The following PDE7B variants were observed in gnomAD, a reference collection of about 807,000 sequenced individuals.
The protein encoded by PDE7B is phosphodiesterase 7B.
In PDE7B, 29 loss-of-function variants were observed where a neutral mutation model predicts 56.2. The observed-to-expected ratio is 0.52, with a 90% confidence interval of 0.38 to 0.70. The LOEUF is 0.70. Ranked by LOEUF, PDE7B falls within the 30% of genes least tolerant of loss-of-function variation. The pLI, the probability that PDE7B is intolerant of heterozygous loss-of-function variation, is 0.00. For synonymous variants in PDE7B, 197 were observed against 196.9 expected, an observed-to-expected ratio of 1.00 and a Z score of 0.00; for missense variants, 490 against 565.0, an observed-to-expected ratio of 0.87 and a Z score of 1.35.
At chr6:136,178,447 A>G (rs149221124) in intron 9 of PDE7B, among the ~76,000 whole-genome samples, 24 of 152,284 alleles carry the variant, frequency 1.6e-4, no homozygotes, top group African/African-American at 4.3e-4. Context: ...GTTGACTAAT[A>G]TATCTCTTGC....
At chr6:135,975,749 A>G (rs1315065457) in intron 2 of PDE7B, among the ~76,000 whole-genome samples, 1 of 152,234 alleles carries the variant, frequency 6.6e-6, no homozygotes, top group African/African-American at 2.4e-5. Flanking sequence ...TAAAAATTAT[A>G]TATTTGGCAG....
intron 11 of PDE7B, among the ~76,000 whole-genome samples, chr6:136,182,480 C>T (rs535526457): frequency 1.3e-5 from 2 of 152,122 alleles, no homozygotes; most frequent in Non-Finnish European, 2.9e-5. Flanking sequence ...ATTGAAATAG[C>T]ATAGTGAGAG....
rs191835566 is a variant in PDE7B, at chr6:135,883,236, C to T, written c.21+31217C>T. ...ATCCCCCTAAAGCCTGTTAAACATG[C>T]GGCTCAATTGGACATACACTAGGTG... On this transcript the variant is annotated intron_variant, in intron 1 of 12. Coordinates refer to ENST00000308191, the MANE Select transcript of PDE7B (RefSeq NM_018945.4). Among the ~76,000 whole-genome samples, 22 of 152,240 alleles carry T rather than the reference C, an allele frequency of 1.4e-4. No homozygotes were observed. The East Asian group carries it at 3.7e-3, about 25-fold the overall frequency.
At chr6:135,964,297 G>A (rs1000622775) in intron 2 of PDE7B, among the ~76,000 whole-genome samples, 15 of 151,902 alleles carry the variant, frequency 9.9e-5, no homozygotes, top group South Asian at 4.2e-4. Flanking sequence ...AGAGACAGGC[G>A]TTTCACCATA....
At chr6:135,888,257 T>C (rs1775744510) in intron 1 of PDE7B, among the ~76,000 whole-genome samples, 1 of 152,156 alleles carries the variant, frequency 6.6e-6, no homozygotes, top group Non-Finnish European at 1.5e-5. Context: ...GAGGACTAAG[T>C]AACCTGCTCA....
chr6:136,137,984 C>T (rs1209314026), intron 3 of PDE7B, among the ~76,000 whole-genome samples: 1 of 152,058 alleles, frequency 6.6e-6, no homozygotes, highest in Non-Finnish European at 1.5e-5. Flanking sequence ...CATTCTGGAA[C>T]ACCTTTTTAT....
intron 6 of PDE7B, among the ~76,000 whole-genome samples, chr6:136,153,421 C>G (rs1778554382): frequency 6.6e-6 from 1 of 152,172 alleles, no homozygotes; most frequent in Non-Finnish European, 1.5e-5. Flanking sequence ...CCATAAAAAG[C>G]AAACCAAAAT....
At chr6:136,075,814 G>A (rs113360858) in intron 2 of PDE7B, among the ~76,000 whole-genome samples, 64 of 152,212 alleles carry the variant, frequency 4.2e-4, no homozygotes, top group African/African-American at 1.4e-3. Context: ...GAGGAGGTAC[G>A]GCTAGTCAAG....
chr6:136,129,623 A>G (rs1304469232), intron 3 of PDE7B, among the ~76,000 whole-genome samples: 1 of 152,216 alleles, frequency 6.6e-6, no homozygotes, highest in African/African-American at 2.4e-5. Flanking sequence ...TTGCATCATC[A>G]GCACCCAGCC....
chr6:136,015,807 G>A (rs1227136448), intron 2 of PDE7B, among the ~76,000 whole-genome samples: 1 of 152,088 alleles, frequency 6.6e-6, no homozygotes, highest in Admixed American at 6.6e-5. Flanking sequence ...TGACCTAGGG[G>A]AAATTTTCTA....
At chr6:135,939,712 G>A (rs1774477337) in intron 1 of PDE7B, among the ~76,000 whole-genome samples, 1 of 152,280 alleles carries the variant, frequency 6.6e-6, no homozygotes, top group South Asian at 2.1e-4. Flanking sequence ...AACACTGGGT[G>A]CTAATGGCTT....
chr6:135,933,934 CT>C, intron 1 of PDE7B, among the ~76,000 whole-genome samples: 1 of 152,208 alleles, frequency 6.6e-6, no homozygotes, highest in East Asian at 1.9e-4. Flanking sequence ...CCTGGTCAGT[CT>C]TTAATAATTT....
chr6:135,931,949 G>GCACA (rs1180950177), intron 1 of PDE7B, among the ~76,000 whole-genome samples: 4 of 62,164 alleles, frequency 6.4e-5, no homozygotes, highest in African/African-American at 1.9e-4. Flanking sequence ...ACACACACGC[G>GCACA]CGCGCACACA....
chr6:136,145,502 G>A (rs993612832), intron 3 of PDE7B, among the ~76,000 whole-genome samples: 1 of 152,040 alleles, frequency 6.6e-6, no homozygotes, highest in African/African-American at 2.4e-5. Flanking sequence ...CCAGAATCTG[G>A]GTGCTAGAAG....
intron 3 of PDE7B, among the ~76,000 whole-genome samples, chr6:136,122,500 G>T (rs1459385807): frequency 6.6e-6 from 1 of 152,132 alleles, no homozygotes; most frequent in Non-Finnish European, 1.5e-5. Context: ...CTATGCCTAA[G>T]ATCAAGAGTG....
chr6:135,909,463 G>A (rs1202124906), intron 1 of PDE7B, among the ~76,000 whole-genome samples: 3 of 152,062 alleles, frequency 2.0e-5, no homozygotes, highest in Non-Finnish European at 2.9e-5. Context: ...AAAATTAGCT[G>A]GGAGTGGTGG....
chr6:136,168,933 G>T (rs907356500), intron 8 of PDE7B, among the ~76,000 whole-genome samples: 5 of 152,008 alleles, frequency 3.3e-5, no homozygotes, highest in African/African-American at 1.2e-4. Flanking sequence ...ATAATTCCAG[G>T]TATTTATCAG....
intron 2 of PDE7B, chr6:136,037,963 G>A (rs1453002988): frequency 1.6e-6 from 2 of 1,218,652 alleles, no homozygotes; most frequent in African/African-American, 1.6e-5. Context: ...GCCAGAGAGA[G>A]GAGGGGAAAA....
chr6:135,947,395 C>T (rs1322758529), intron 1 of PDE7B, 69 bp from the exon 2 acceptor site: 14 of 1,172,518 alleles, frequency 1.2e-5, no homozygotes, highest in Non-Finnish European at 1.8e-5. Flanking sequence ...TGTCAGGTCA[C>T]ATGGATATAT....
Sources: gnomAD v4.1 joint callset for allele counts (sites outside exome capture counted in the v4.1 genomes callset) on GRCh38, gnomAD v4.1.1 for gene constraint, MANE v1.5 for transcripts, NCBI Gene and HGNC (gene_info 2026-07-23, HGNC 2026-07-21) for gene names.